The following RORA variants were observed in gnomAD, a reference collection of about 807,000 sequenced individuals.
The protein encoded by RORA is RAR related orphan receptor A, also known as nuclear receptor ROR-alpha.
A neutral mutation model predicts 69.5 loss-of-function variants in RORA; 7 were observed. The ratio of observed to expected loss-of-function variants is 0.10; its 90% CI spans 0.06 to 0.19. The LOEUF (loss-of-function observed/expected upper bound fraction) is 0.19. Ranked by LOEUF, RORA falls within the 10% of genes least tolerant of loss-of-function variation. RORA has a pLI of 1.00. For synonymous variants in RORA, 261 were observed against 240.8 expected (o/e 1.08, Z -0.78); for missense variants, 457 against 663.0 (o/e 0.69, Z 3.41).
Position 61,167,408 on chromosome 15 carries a change from T to C in RORA, c.166+61645A>G, listed in dbSNP as rs183540755. Among the ~76,000 whole-genome samples, 5 of 150,790 alleles carry C rather than the reference T, an allele frequency of 3.3e-5. 1 individual carries two copies. The East Asian group carries it at 8.0e-4, about 24-fold the overall frequency. On this transcript the variant is annotated intron_variant, in intron 1 of 10. Coordinates refer to ENST00000335670, the MANE Select transcript of RORA (RefSeq NM_134261.3). ...TTATTACAGACACTCAGGTTAATAA[T>C]AAACATTGAGATCCTTATCCAGATA...
At chr15:60,580,174 C>T (rs987548639) in intron 2 of RORA, among the ~76,000 whole-genome samples, 2 of 152,116 alleles carry the variant, frequency 1.3e-5, no homozygotes, top group Non-Finnish European at 2.9e-5. Flanking sequence ...TCTTCCTGTT[C>T]TACTTTTGGC....
intron 1 of RORA, among the ~76,000 whole-genome samples, chr15:61,010,075 G>A (rs978788529): frequency 1.3e-5 from 2 of 152,076 alleles, no homozygotes; most frequent in African/African-American, 4.8e-5. Context: ...TCATATTTAG[G>A]CAGGGAGGAA....
chr15:60,997,500 AAAGT>A (rs1894593219), intron 1 of RORA, among the ~76,000 whole-genome samples: 2 of 152,188 alleles, frequency 1.3e-5, no homozygotes, highest in African/African-American at 4.8e-5. Flanking sequence ...AACTTTCTAG[AAAGT>A]AATATTTTTA....
chr15:61,177,964 CAA>C (rs1175212617), intron 1 of RORA, among the ~76,000 whole-genome samples: 4 of 90,838 alleles, frequency 4.4e-5, no homozygotes, highest in Non-Finnish European at 4.8e-5. Context: ...TCCATCTCAA[CAA>C]AAAAAAAAAG....
chr15:60,951,843 C>A (rs988914238), intron 1 of RORA, among the ~76,000 whole-genome samples: 7 of 151,926 alleles, frequency 4.6e-5, no homozygotes, highest in Non-Finnish European at 4.4e-5. Flanking sequence ...GGATTCACAG[C>A]CGAATTCTAT....
Position 60,819,769 on chromosome 15 carries a change from A to ACACACG in RORA, c.167-141084_167-141083insCGTGTG, listed in dbSNP as rs1555455781. Reference sequence around the variant, plus strand: ...CAGACACACACACACACACACACACACACACACACACACACACACACACAC... The same window carrying ACACACG: ...CAGACACACACACACACACACACACACACACGCACACACACACACACACACACACAC... On this transcript the variant is annotated intron_variant, in intron 1 of 10. Transcript: ENST00000335670. Among the ~76,000 whole-genome samples the ACACACG allele has an allele frequency of 4.4e-4, 66 of 150,162 alleles. 1 individual carries two copies. The highest frequency in any genetic ancestry group is 6.0e-4 in the Admixed American group (9 of 15,028).
At chr15:61,094,442 T>A (rs2078759643) in intron 1 of RORA, among the ~76,000 whole-genome samples, 1 of 152,132 alleles carries the variant, frequency 6.6e-6, no homozygotes, top group Non-Finnish European at 1.5e-5. Flanking sequence ...CTGGTGTGTT[T>A]TAAGAGACAC....
At chr15:60,655,788 A>C (rs975136409) in intron 2 of RORA, among the ~76,000 whole-genome samples, 3 of 152,136 alleles carry the variant, frequency 2.0e-5, no homozygotes, top group African/African-American at 7.2e-5. Context: ...AACAGGCCAC[A>C]CATATTCTGG....
intron 1 of RORA, among the ~76,000 whole-genome samples, chr15:61,033,094 G>C (rs1896258726): frequency 6.6e-6 from 1 of 152,150 alleles, no homozygotes; most frequent in African/African-American, 2.4e-5. Flanking sequence ...TCAAACCAAA[G>C]GCTATCAGAT....
At chr15:60,880,817 TAA>T (rs1310774365) in intron 1 of RORA, among the ~76,000 whole-genome samples, 8 of 152,202 alleles carry the variant, frequency 5.3e-5, no homozygotes, top group Admixed American at 1.3e-4. Flanking sequence ...AAATTAAATT[TAA>T]TACGTGTCTG....
intron 1 of RORA, among the ~76,000 whole-genome samples, chr15:60,823,111 TCTC>T (rs1373325913): frequency 0.24 from 300 of 1,266 alleles, 2 homozygotes; most frequent in African/African-American, 0.34. Flanking sequence ...TTCTTCTCTT[TCTC>T]TCTCTCTCTC....
At chr15:60,854,856 T>C (rs538692877) in intron 1 of RORA, among the ~76,000 whole-genome samples, 1 of 152,346 alleles carries the variant, frequency 6.6e-6, no homozygotes, top group Non-Finnish European at 1.5e-5. Context: ...GTTTAAAGTA[T>C]TGGCCTCCTT....
At chr15:61,020,826 C>G (rs1895486906) in intron 1 of RORA, among the ~76,000 whole-genome samples, 1 of 152,156 alleles carries the variant, frequency 6.6e-6, no homozygotes, top group African/African-American at 2.4e-5. Context: ...ACATTTTAGG[C>G]CCCTCATCTA....
intron 2 of RORA, among the ~76,000 whole-genome samples, chr15:60,616,393 C>T (rs189813221): frequency 6.6e-6 from 1 of 152,350 alleles, no homozygotes; most frequent in African/African-American, 2.4e-5. Flanking sequence ...CCACACCTGC[C>T]AGGCAACCTC....
chr15:60,793,212 C>T (rs1180428636), intron 1 of RORA, among the ~76,000 whole-genome samples: 4 of 152,114 alleles, frequency 2.6e-5, no homozygotes, highest in Non-Finnish European at 4.4e-5. Context: ...TAAACTGGTG[C>T]AGTATGTTAG....
At chr15:61,136,419 A>C (rs2079240778) in intron 1 of RORA, among the ~76,000 whole-genome samples, 1 of 152,218 alleles carries the variant, frequency 6.6e-6, no homozygotes, top group Non-Finnish European at 1.5e-5. Flanking sequence ...GCCAGTATCA[A>C]ATGTTTGGAG....
chr15:60,515,955 A>T (rs28502429), intron 3 of RORA, among the ~76,000 whole-genome samples: 2 of 12,116 alleles, frequency 1.7e-4, no homozygotes, highest in African/African-American at 8.5e-4. Context: ...ATATTTATAT[A>T]TTTATATTTA....
At chr15:61,118,809 TA>T (rs2079073613) in intron 1 of RORA, among the ~76,000 whole-genome samples, 2 of 152,298 alleles carry the variant, frequency 1.3e-5, no homozygotes, top group South Asian at 4.2e-4. Flanking sequence ...AATCCACATT[TA>T]AAACTCCCAA....
At chr15:61,047,361 G>A (rs1235148938) in intron 1 of RORA, among the ~76,000 whole-genome samples, 2 of 152,250 alleles carry the variant, frequency 1.3e-5, no homozygotes, top group Non-Finnish European at 2.9e-5. Context: ...TCAAAAGGAA[G>A]ACCAGTTTTC....
Sources: gnomAD v4.1 joint callset for allele counts (sites outside exome capture counted in the v4.1 genomes callset) on GRCh38, gnomAD v4.1.1 for gene constraint, MANE v1.5 for transcripts, NCBI Gene and HGNC (gene_info 2026-07-23, HGNC 2026-07-21) for gene names.